Variants in NKD1 observed in about 807,000 individuals in gnomAD.
NKD1 encodes protein naked cuticle homolog 1.
A neutral mutation model predicts 56.0 loss-of-function variants in NKD1; 21 were observed. The observed-to-expected ratio is 0.38, with a 90% CI of 0.27 to 0.54. The LOEUF is 0.54. NKD1 is among the 20% of genes least tolerant of loss of function. The pLI is 0.82. For missense variants in NKD1, 578 were observed against 642.7 expected (o/e 0.90, Z 1.09); for synonymous variants, 263 against 265.7 (o/e 0.99, Z 0.10).
chr16:50,618,148 C>T (rs1279413551), intron 4 of NKD1, among the ~76,000 whole-genome samples: 1 of 152,080 alleles, frequency 6.6e-6, no homozygotes, highest in Non-Finnish European at 1.5e-5. Context: ...GCCTTTTTTC[C>T]CCACCCGGTC....
intron 3 of NKD1, among the ~76,000 whole-genome samples, chr16:50,568,041 C>T (rs770088254): frequency 5.3e-5 from 8 of 152,244 alleles, no homozygotes; most frequent in Non-Finnish European, 1.0e-4. Flanking sequence ...AAGCAAAGAG[C>T]CCTTTATTCT....
At chr16:50,571,571 C>T (rs1411621148) in intron 3 of NKD1, 1 of 981,244 alleles carries the variant, frequency 1.0e-6, no homozygotes, top group Non-Finnish European at 1.2e-6. Flanking sequence ...CTCCATTCAT[C>T]TGTTGCTCAG....
chr16:50,602,409 G>T (rs1209538404), intron 3 of NKD1, among the ~76,000 whole-genome samples: 2 of 152,196 alleles, frequency 1.3e-5, no homozygotes, highest in Non-Finnish European at 2.9e-5. Context: ...CCTGGAGGGG[G>T]CTACCTGACT....
chr16:50,633,796 GCCCCACCCTGCCATATGAAGGA>G lies in NKD1; in HGVS notation c.*24_*45del, dbSNP rs1425864495. 1.5e-6 allele frequency: 2 copies of G among 1,369,920 alleles called. No homozygotes were observed. Among genetic ancestry groups the G allele is most frequent in the East Asian group, 2.6e-5 (1 of 38,214 alleles). 84.9% of individuals were successfully genotyped at this position (1,369,920 alleles called of 1,614,324 possible). On this transcript the variant is annotated 3_prime_UTR_variant, in exon 10 of 10. Transcript: ENST00000268459. This position sits in a 1 kb window ranked among gnomAD's most constrained non-coding sequence, Gnocchi z 4.9. ...ACCAGACATAGAGCCCCTCCCCAGG[GCCCCACCCTGCCATATGAAGGA>G]CCCCACCCCCGACACCACAAGGCAT...
At chr16:50,610,743 G>A (rs546602609) in intron 4 of NKD1, among the ~76,000 whole-genome samples, 1 of 152,224 alleles carries the variant, frequency 6.6e-6, no homozygotes, top group Non-Finnish European at 1.5e-5. Flanking sequence ...GCGTTGTTAT[G>A]TAAAGCCGGC....
At chr16:50,622,958 C>T (rs537168898) in intron 5 of NKD1, among the ~76,000 whole-genome samples, 139 of 151,940 alleles carry the variant, frequency 9.1e-4, no homozygotes, top group African/African-American at 3.3e-3. Context: ...AGGCTCTGTG[C>T]GGTGCCTGGA....
intron 4 of NKD1, among the ~76,000 whole-genome samples, chr16:50,610,269 C>T (rs777226708): frequency 1.3e-5 from 2 of 152,138 alleles, no homozygotes; most frequent in East Asian, 1.9e-4. Flanking sequence ...AGGTGAAAAC[C>T]GTAAATAAGG....
chr16:50,641,496 A>T lies in NKD1; in HGVS notation c.*7715A>T, dbSNP rs1409824447. 6.6e-6 allele frequency: 1 copy of T among 152,168 alleles called. No homozygotes were observed. Among genetic ancestry groups the T allele is most frequent in the African/African-American group, 2.4e-5 (1 of 41,430 alleles). 9.4% of individuals were successfully genotyped at this position (152,168 alleles called of 1,614,324 possible). A position where few individuals can be genotyped will look rare whatever the true frequency, so the allele number is the denominator to read the frequency against. Reference sequence around the variant, plus strand: ...CTGAGGGTTTCACCTAAAAACCTGGATGTTTGGCTTTTCTCATAAAAATCA... The same window carrying T: ...CTGAGGGTTTCACCTAAAAACCTGGTTGTTTGGCTTTTCTCATAAAAATCA... On this transcript the variant is annotated 3_prime_UTR_variant, in exon 10 of 10. Coordinates refer to ENST00000268459, the MANE Select transcript of NKD1 (RefSeq NM_033119.5).
At position 50,643,030 on chromosome 16, in the gene NKD1, G is replaced by A. The variant is rs1962608480; in HGVS notation, c.*9249G>A. 1 of 152,240 alleles carries A rather than the reference G, an allele frequency of 6.6e-6. No homozygotes were observed. Among genetic ancestry groups the A allele is most frequent in the South Asian group, 2.1e-4 (1 of 4,828 alleles). 9.4% of individuals were successfully genotyped at this position (152,240 alleles called of 1,614,324 possible). A position where few individuals can be genotyped will look rare whatever the true frequency, so the allele number is the denominator to read the frequency against. ...CAGCTCTAAGTCCTACAAACAGTAG[G>A]GGTAGTGGTGGGGATGGGCAGCCTG... On this transcript the variant is annotated 3_prime_UTR_variant, in exon 10 of 10. Coordinates refer to ENST00000268459, the MANE Select transcript of NKD1 (RefSeq NM_033119.5).
intron 8 of NKD1, among the ~76,000 whole-genome samples, chr16:50,631,703 C>T (rs1411492480): frequency 2.0e-5 from 3 of 152,100 alleles, no homozygotes; most frequent in Non-Finnish European, 2.9e-5. Flanking sequence ...TAGGGAGCCC[C>T]GAGCCCTGCA....
At chr16:50,558,969 T>C (rs1960564307) in intron 3 of NKD1, among the ~76,000 whole-genome samples, 1 of 152,212 alleles carries the variant, frequency 6.6e-6, no homozygotes, top group Non-Finnish European at 1.5e-5. Flanking sequence ...GACTTTATGC[T>C]GAAGACCAGC....
rs561842593 is a variant in NKD1 at position 50,641,044 on chromosome 16, T to C, written c.*7263T>C. ...TCCCAAAGCTGAGCGCAGACCGGCTTGCAGGTCCTTTTTCCAGTCATGGCC... is the reference window on the plus strand; with the variant it reads ...TCCCAAAGCTGAGCGCAGACCGGCTCGCAGGTCCTTTTTCCAGTCATGGCC... On this transcript the variant is annotated 3_prime_UTR_variant, in exon 10 of 10. Coordinates refer to ENST00000268459, the MANE Select transcript of NKD1 (RefSeq NM_033119.5). 1 of 152,300 alleles carries C rather than the reference T, an allele frequency of 6.6e-6. No individual in the cohort carries two copies. Among genetic ancestry groups the C allele is most frequent in the East Asian group, 1.9e-4 (1 of 5,178 alleles). The allele number at this position is 152,300 out of a possible 1,614,324, so 9.4% of individuals were successfully genotyped here.
intron 3 of NKD1, chr16:50,574,255 A>G (rs1156997452): frequency 1.0e-5 from 10 of 985,026 alleles, no homozygotes; most frequent in African/African-American, 5.3e-5. Context: ...GTCTTGCCCA[A>G]CCTCCTAGGT....
At chr16:50,600,661 C>T (rs1270465247) in intron 3 of NKD1, among the ~76,000 whole-genome samples, 1 of 152,192 alleles carries the variant, frequency 6.6e-6, no homozygotes, top group Non-Finnish European at 1.5e-5. Flanking sequence ...GCTGGTGTGA[C>T]AGCCCAGGAA....
chr16:50,630,389 C>G, intron 7 of NKD1, 56 bp downstream of exon 7: 3 of 1,591,392 alleles, frequency 1.9e-6, no homozygotes, highest in Middle Eastern at 1.7e-4. Flanking sequence ...CAGGAAGGAA[C>G]AGAGCCTTCC....
chr16:50,562,308 G>A (rs1384869992), intron 3 of NKD1: 1 of 976,288 alleles, frequency 1.0e-6, no homozygotes, highest in Non-Finnish European at 1.2e-6. Flanking sequence ...CTGTGTCACT[G>A]TGTATCTGCA....
intron 3 of NKD1, among the ~76,000 whole-genome samples, chr16:50,582,277 C>A (rs1248550940): frequency 6.6e-6 from 1 of 152,158 alleles, no homozygotes; most frequent in Non-Finnish European, 1.5e-5. Context: ...GGCTGTCCTC[C>A]CTACAGCAGT....
At chr16:50,630,783 G>A in intron 7 of NKD1, 43 bp from the exon 8 acceptor site, 1 of 1,517,934 alleles carries the variant, frequency 6.6e-7, no homozygotes. Context: ...GTGGGAGCAG[G>A]CAGCTCACCT....
chr16:50,621,798 A>G, intron 5 of NKD1, 90 bp downstream of exon 5: 1 of 935,164 alleles, frequency 1.1e-6, no homozygotes, highest in South Asian at 1.5e-5. Context: ...AGGCTCTTCC[A>G]GACAGGAAGG....
Sources: gnomAD v4.1 joint callset for allele counts (sites outside exome capture counted in the v4.1 genomes callset) on GRCh38, gnomAD v4.1.1 for gene constraint, Gnocchi (gnomAD v3.1) non-coding constraint, MANE v1.5 for transcripts, NCBI Gene and HGNC (gene_info 2026-07-23, HGNC 2026-07-21) for gene names.